Variants in C12orf42 observed in about 807,000 individuals in gnomAD.
The protein encoded by C12orf42 is uncharacterized protein C12orf42.
A neutral mutation model predicts 21.6 loss-of-function variants in C12orf42; 25 were observed. That is an observed-to-expected ratio of 1.16 (90% confidence interval 0.84 to 1.62). The LOEUF (loss-of-function observed/expected upper bound fraction) is 1.62. Among genes scored for constraint, C12orf42 ranks in the 40% most tolerant of loss-of-function variants. The probability of loss-of-function intolerance (pLI) is 0.00; values close to 1 mark genes in which losing one functional copy is unlikely to be tolerated. For synonymous variants in C12orf42, 174 were observed against 175.0 expected (o/e 0.99, Z 0.05); for missense variants, 483 against 459.3 (o/e 1.05, Z -0.47).
the C12orf42 span, among the ~76,000 whole-genome samples, chr12:103,530,161 G>C: frequency 2.0e-5 from 3 of 152,164 alleles, no homozygotes; most frequent in African/African-American, 7.2e-5. Flanking sequence ...CTTTTTTAGA[G>C]ATTCCTCTGA....
the C12orf42 span, among the ~76,000 whole-genome samples, chr12:103,562,848 C>A: frequency 1.3e-5 from 2 of 152,186 alleles, no homozygotes; most frequent in Non-Finnish European, 2.9e-5. Flanking sequence ...CAGTCCCACA[C>A]CATTATGTAT....
chr12:103,486,991 T>C (rs927130536), intron 1 of C12orf42, among the ~76,000 whole-genome samples: 4 of 152,216 alleles, frequency 2.6e-5, no homozygotes, highest in African/African-American at 7.2e-5. Flanking sequence ...TTTCTTGCCT[T>C]CTGCTAGCTT....
At chr12:103,202,076 T>C in the C12orf42 span, among the ~76,000 whole-genome samples, 2 of 152,186 alleles carry the variant, frequency 1.3e-5, no homozygotes, top group African/African-American at 4.8e-5. Context: ...CCACAGACTC[T>C]GGGAATCCAG....
chr12:103,354,904 G>T (rs1194853828), intron 4 of C12orf42, among the ~76,000 whole-genome samples: 1 of 151,914 alleles, frequency 6.6e-6, no homozygotes, highest in Non-Finnish European at 1.5e-5. Flanking sequence ...ACTAGAAGAG[G>T]GGATTCTGAA....
rs1566026190 is a variant in C12orf42, at chr12:103,294,639, G to GAAAAAAAGAAA, written n.338-17430_338-17429insTTTCTTTTTTT. 4.2e-5 allele frequency among the ~76,000 whole-genome samples: 5 copies of GAAAAAAAGAAA among 119,110 alleles called. No individual in the cohort carries two copies. The East Asian group carries it at 1.3e-3, about 30-fold the overall frequency. 78.1% of individuals were successfully genotyped at this position (119,110 alleles called of 152,430 possible). The stretch of plus-strand genomic sequence containing the variant: ...AAGAAAGAAAGAAAGAAAGAAAGAA[G>GAAAAAAAGAAA]GAAAAGAAAGAGAAAGAAAGAAAGA... On this transcript the variant is annotated intron_variant and non_coding_transcript_variant, in intron 4 of 6. Coordinates refer to the C12orf42 transcript ENST00000546526.
intron 2 of C12orf42, among the ~76,000 whole-genome samples, chr12:103,417,371 C>T (rs2139042474): frequency 6.6e-6 from 1 of 152,270 alleles, no homozygotes; most frequent in Non-Finnish European, 1.5e-5. Context: ...AATAGTTAAA[C>T]TTCATGTTAT....
chr12:103,379,641 T>G (rs918229344), intron 3 of C12orf42, among the ~76,000 whole-genome samples: 1 of 152,228 alleles, frequency 6.6e-6, no homozygotes, highest in South Asian at 2.1e-4. Context: ...AATTATCCAA[T>G]GATTTATTAC....
At chr12:103,313,599 C>T (rs1012109299) in intron 4 of C12orf42, among the ~76,000 whole-genome samples, 1 of 152,210 alleles carries the variant, frequency 6.6e-6, no homozygotes, top group East Asian at 1.9e-4. Flanking sequence ...ATATCTATCA[C>T]ACAGGATTGG....
At chr12:103,156,121 G>A in the C12orf42 span, 2 of 151,850 alleles carry the variant, frequency 1.3e-5, no homozygotes, top group South Asian at 4.2e-4. Flanking sequence ...TGCCTTCTGG[G>A]CAGGTCACAT....
intron 2 of C12orf42, among the ~76,000 whole-genome samples, chr12:103,418,826 C>T (rs1359894728): frequency 1.4e-5 from 2 of 147,450 alleles, no homozygotes; most frequent in South Asian, 2.2e-4. Context: ...TGTAACATTC[C>T]GTTAAATTTT....
At chr12:103,281,239 C>T (rs941220132) in intron 4 of C12orf42, among the ~76,000 whole-genome samples, 46 of 152,188 alleles carry the variant, frequency 3.0e-4, no homozygotes, top group African/African-American at 1.1e-3. Flanking sequence ...AGAGGTAAAA[C>T]GAAGATTCCA....
the C12orf42 span, among the ~76,000 whole-genome samples, chr12:103,193,074 T>C: frequency 1.3e-5 from 2 of 151,972 alleles, no homozygotes; most frequent in South Asian, 4.1e-4. Context: ...TAAAACTAAA[T>C]ATGAATAAAA....
At chr12:103,060,322 G>T in the C12orf42 span, among the ~76,000 whole-genome samples, 1 of 152,110 alleles carries the variant, frequency 6.6e-6, no homozygotes, top group Non-Finnish European at 1.5e-5. Context: ...AAGGAAATAA[G>T]AGAGGACAAA....
chr12:103,434,306 T>G (rs1299556102), intron 2 of C12orf42, among the ~76,000 whole-genome samples: 2 of 152,174 alleles, frequency 1.3e-5, no homozygotes, highest in African/African-American at 2.4e-5. Context: ...CTGGGTCACA[T>G]GCCTGCCCTT....
the C12orf42 span, among the ~76,000 whole-genome samples, chr12:103,086,653 C>T: frequency 5.9e-5 from 9 of 151,832 alleles, no homozygotes; most frequent in South Asian, 1.3e-3. Context: ...CAGCTCCTGC[C>T]GCTTTCTTAA....
chr12:103,228,202 G>C, the C12orf42 span, among the ~76,000 whole-genome samples: 1 of 152,128 alleles, frequency 6.6e-6, no homozygotes, highest in Non-Finnish European at 1.5e-5. Flanking sequence ...GTCCAAAAGA[G>C]AGTCAGCAAA....
the C12orf42 span, among the ~76,000 whole-genome samples, chr12:103,180,976 G>A: frequency 6.6e-6 from 1 of 151,892 alleles, no homozygotes; most frequent in Admixed American, 6.6e-5. Flanking sequence ...AAAATTCAAG[G>A]ATCTGGGTTG....
At chr12:103,288,602 C>T (rs756380538) in intron 4 of C12orf42, among the ~76,000 whole-genome samples, 1 of 152,102 alleles carries the variant, frequency 6.6e-6, no homozygotes, top group East Asian at 1.9e-4. Flanking sequence ...CATCATTTTC[C>T]ACAGAGCACA....
the C12orf42 span, among the ~76,000 whole-genome samples, chr12:103,052,655 G>T: frequency 1.7e-3 from 264 of 152,016 alleles, 1 homozygote; most frequent in Non-Finnish European, 3.0e-3. Flanking sequence ...ACGAATAGAA[G>T]TTCTTCATTT....
Sources: allele counts gnomAD v4.1 joint callset (sites outside exome capture counted in the v4.1 genomes callset), GRCh38; gene constraint gnomAD v4.1.1; transcripts MANE v1.5; gene names NCBI Gene and HGNC (gene_info 2026-07-23, HGNC 2026-07-21).